Variants in CNKSR3 observed in about 807,000 individuals in gnomAD.
The protein encoded by CNKSR3 is CNKSR family member 3, also known as connector enhancer of kinase suppressor of ras 3.
CNKSR3 carries 36 observed loss-of-function variants against 67.7 expected under a neutral mutation model. That is an observed-to-expected ratio of 0.53 (90% CI 0.41 to 0.70). The LOEUF is 0.70. Ranked by LOEUF, CNKSR3 falls within the 30% of genes least tolerant of loss-of-function variation. The pLI is 0.00. For synonymous variants in CNKSR3, 281 were observed against 271.4 expected (o/e 1.04, Z -0.35); for missense variants, 630 against 695.2 (o/e 0.91, Z 1.05).
chr6:154,509,567 GC>G (rs1232783127), intron 1 of CNKSR3, among the ~76,000 whole-genome samples: 5 of 152,240 alleles, frequency 3.3e-5, no homozygotes, highest in African/African-American at 1.2e-4. Context: ...AAACAGACAG[GC>G]TCGGCGGACC....
chr6:154,423,298 T>G (rs577387589), intron 7 of CNKSR3, among the ~76,000 whole-genome samples: 4 of 152,196 alleles, frequency 2.6e-5, no homozygotes, highest in Admixed American at 2.6e-4. Flanking sequence ...GGAGTCTCAC[T>G]CTGTCACCCA....
At chr6:154,462,555 C>T (rs1329720388) in intron 1 of CNKSR3, among the ~76,000 whole-genome samples, 1 of 152,308 alleles carries the variant, frequency 6.6e-6, no homozygotes, top group African/African-American at 2.4e-5. Flanking sequence ...ATAAAATCTA[C>T]AGCCAAAAAG....
rs1784757259 is a variant in CNKSR3, at chr6:154,404,887, T to C, written c.*1467A>G. Reference sequence around the variant, plus strand: ...CCTGACTGAATTCAGTCACAGTAATTATACATGAGTGGTTGCTAGTTCCTT... The same window carrying C: ...CCTGACTGAATTCAGTCACAGTAATCATACATGAGTGGTTGCTAGTTCCTT... On this transcript the variant is annotated 3_prime_UTR_variant, in exon 13 of 13. Coordinates refer to ENST00000607772, the MANE Select transcript of CNKSR3 (RefSeq NM_173515.4). The C allele has an allele frequency of 6.6e-6, 1 of 152,130 alleles. No individual in the cohort carries two copies. The highest frequency in any genetic ancestry group is 1.5e-5 in the Non-Finnish European group (1 of 68,042). 9.4% of individuals were successfully genotyped at this position (152,130 alleles called of 1,614,324 possible).
intron 11 of CNKSR3, 26 bp downstream of exon 11, chr6:154,410,908 G>C: frequency 6.3e-7 from 1 of 1,583,318 alleles, no homozygotes. Flanking sequence ...GCCAACGGCA[G>C]AACAAAACAA....
intron 1 of CNKSR3, among the ~76,000 whole-genome samples, chr6:154,470,185 TTCC>T (rs1363412476): frequency 3.0e-5 from 3 of 99,900 alleles, no homozygotes; most frequent in African/African-American, 4.5e-5. Context: ...CCTACTTTCT[TTCC>T]TTTTTTTTTT....
At position 154,431,374 on chromosome 6, in the gene CNKSR3, G is replaced by A. The variant is rs1379172506; in HGVS notation, c.550-783C>T. On this transcript the variant is annotated intron_variant, in intron 5 of 12. Coordinates refer to ENST00000607772, the MANE Select transcript of CNKSR3 (RefSeq NM_173515.4). ...CTGCAGAATTGCTTGAACCTCAGAG[G>A]CAGAGGTTGCAGTAAGCCGAGTCGC... 6.0e-5 allele frequency among the ~76,000 whole-genome samples: 9 copies of A among 149,684 alleles called. No homozygotes were observed. The East Asian group carries it at 1.8e-3, about 29-fold the overall frequency.
chr6:154,445,842 G>A (rs1464862585), intron 2 of CNKSR3, among the ~76,000 whole-genome samples: 1 of 152,034 alleles, frequency 6.6e-6, no homozygotes, highest in Non-Finnish European at 1.5e-5. Flanking sequence ...GAAGGAAGGA[G>A]GAGAAGAAGA....
intron 10 of CNKSR3, among the ~76,000 whole-genome samples, chr6:154,413,160 A>G (rs1396192368): frequency 6.6e-6 from 1 of 151,890 alleles, no homozygotes; most frequent in Non-Finnish European, 1.5e-5. Flanking sequence ...ACACACACAC[A>G]CACACACACA....
intron 1 of CNKSR3, among the ~76,000 whole-genome samples, chr6:154,460,596 A>T (rs886773288): frequency 5.9e-5 from 9 of 152,200 alleles, no homozygotes; most frequent in African/African-American, 2.2e-4. Flanking sequence ...CCTTGGACCA[A>T]ACAAGGGGAG....
At chr6:154,437,407 G>GTT (rs1785492881) in intron 4 of CNKSR3, among the ~76,000 whole-genome samples, 22 of 88,248 alleles carry the variant, frequency 2.5e-4, no homozygotes, top group African/African-American at 8.0e-4. Context: ...AAGCACCTAT[G>GTT]TTCTTTTTTT....
chr6:154,491,998 T>C (rs991844952), intron 1 of CNKSR3, among the ~76,000 whole-genome samples: 1 of 152,166 alleles, frequency 6.6e-6, no homozygotes, highest in African/African-American at 2.4e-5. Flanking sequence ...TCTCCTCCTG[T>C]TTGTTCTTGA....
intron 4 of CNKSR3, among the ~76,000 whole-genome samples, chr6:154,435,326 A>G (rs1785449730): frequency 6.6e-6 from 1 of 152,106 alleles, no homozygotes; most frequent in African/African-American, 2.4e-5. Context: ...AAGCACTGTC[A>G]CTTCAGGGAG....
At chr6:154,429,452 A>T (rs547195785) in intron 6 of CNKSR3, among the ~76,000 whole-genome samples, 6 of 152,286 alleles carry the variant, frequency 3.9e-5, no homozygotes, top group African/African-American at 1.4e-4. Context: ...ATCTGAAATG[A>T]CAACTCCATT....
intron 1 of CNKSR3, among the ~76,000 whole-genome samples, chr6:154,486,043 A>T (rs1186934669): frequency 6.6e-6 from 1 of 152,212 alleles, no homozygotes; most frequent in Non-Finnish European, 1.5e-5. Context: ...AGCAGCAGTA[A>T]AGCAGGAAAT....
At chr6:154,479,115 C>A (rs568675037) in intron 1 of CNKSR3, among the ~76,000 whole-genome samples, 1 of 152,056 alleles carries the variant, frequency 6.6e-6, no homozygotes, top group East Asian at 1.9e-4. Context: ...CTATACCCCC[C>A]CATCCTTAGA....
chr6:154,452,560 T>G (rs1785860564), intron 1 of CNKSR3, among the ~76,000 whole-genome samples: 1 of 152,234 alleles, frequency 6.6e-6, no homozygotes, highest in Non-Finnish European at 1.5e-5. Flanking sequence ...ACTTTTAAGC[T>G]TTAAAAAGAA....
At chr6:154,495,148 A>G (rs979444101) in intron 1 of CNKSR3, among the ~76,000 whole-genome samples, 4 of 152,310 alleles carry the variant, frequency 2.6e-5, no homozygotes, top group Non-Finnish European at 1.5e-5. Context: ...AGGCTGCATG[A>G]TATTTGCACC....
rs1784733737 is a variant in CNKSR3 at position 154,403,011 on chromosome 6, A to G, written c.*3343T>C. 1 of 152,148 alleles carries G rather than the reference A, an allele frequency of 6.6e-6. No homozygotes were observed. The highest frequency in any genetic ancestry group is 1.9e-4 in the East Asian group (1 of 5,196). 9.4% of individuals were successfully genotyped at this position (152,148 alleles called of 1,614,324 possible). On this transcript the variant is annotated 3_prime_UTR_variant, in exon 13 of 13. Transcript: ENST00000607772. ...GATGGGTATGTTTTAGAGGCTAGTT[A>G]TATTACCTGCTAGTTTCATTTCAGA...
At chr6:154,435,140 T>C (rs1391276176) in intron 4 of CNKSR3, among the ~76,000 whole-genome samples, 3 of 151,610 alleles carry the variant, frequency 2.0e-5, no homozygotes, top group Non-Finnish European at 4.4e-5. Flanking sequence ...GGACCACAGG[T>C]GCACACCACC....
Sources: gnomAD v4.1 joint callset for allele counts (sites outside exome capture counted in the v4.1 genomes callset) on GRCh38, gnomAD v4.1.1 for gene constraint, MANE v1.5 for transcripts, NCBI Gene and HGNC (gene_info 2026-07-23, HGNC 2026-07-21) for gene names.